Variants in EHMT1 observed in about 807,000 individuals in gnomAD.
The protein encoded by EHMT1 is euchromatic histone lysine methyltransferase 1.
In EHMT1, 15 loss-of-function variants were observed where a neutral mutation model predicts 147.2. The ratio of observed to expected loss-of-function variants is 0.10; its 90% confidence interval spans 0.07 to 0.16. EHMT1 has a LOEUF of 0.16. Among genes scored for constraint, EHMT1 ranks in the 10% least tolerant of loss-of-function variants. EHMT1 has a pLI of 1.00. For synonymous variants in EHMT1, 795 were observed against 709.6 expected (o/e 1.12, Z -1.91); for missense variants, 1,587 against 1,772.4 (o/e 0.90, Z 1.88).
chr9:137,656,414 T>C (rs1054685601), intron 1 of EHMT1, among the ~76,000 whole-genome samples: 2 of 152,170 alleles, frequency 1.3e-5, no homozygotes, highest in Non-Finnish European at 2.9e-5. Context: ...TGTATAGCTA[T>C]GAAGAGACAC....
intron 9 of EHMT1, among the ~76,000 whole-genome samples, chr9:137,758,654 A>C (rs1949564760): frequency 6.6e-6 from 1 of 152,154 alleles, no homozygotes; most frequent in Non-Finnish European, 1.5e-5. Flanking sequence ...GGAAATGCAA[A>C]TCTTATTTAC....
At chr9:137,703,428 C>T (rs557342736) in intron 1 of EHMT1, among the ~76,000 whole-genome samples, 1 of 152,340 alleles carries the variant, frequency 6.6e-6, no homozygotes, top group African/African-American at 2.4e-5. Flanking sequence ...CAGATACTCT[C>T]TTCGTGCACG....
chr9:137,757,605 C>T (rs1450574446), intron 8 of EHMT1, among the ~76,000 whole-genome samples: 2 of 152,200 alleles, frequency 1.3e-5, no homozygotes, highest in Non-Finnish European at 2.9e-5. Context: ...GAAAGATGTG[C>T]TGACATGTTG....
chr9:137,624,000 C>CTT (rs34882647), intron 1 of EHMT1, among the ~76,000 whole-genome samples: 10 of 131,528 alleles, frequency 7.6e-5, no homozygotes, highest in African/African-American at 1.4e-4. Context: ...TTCTTTCTTT[C>CTT]TTTTTTTTTT....
At chr9:137,678,993 G>A (rs1282533701) in intron 1 of EHMT1, among the ~76,000 whole-genome samples, 9 of 151,996 alleles carry the variant, frequency 5.9e-5, no homozygotes, top group African/African-American at 1.9e-4. Context: ...TGGCTCTGTC[G>A]CCCAGGCTGG....
chr9:137,808,100 G>A (rs966105005), intron 18 of EHMT1, among the ~76,000 whole-genome samples: 1 of 152,156 alleles, frequency 6.6e-6, no homozygotes, highest in African/African-American at 2.4e-5. Context: ...TGGAGCCACC[G>A]AGGCAGGTCC....
chr9:137,652,221 C>G (rs1367667739), intron 1 of EHMT1, among the ~76,000 whole-genome samples: 2 of 151,980 alleles, frequency 1.3e-5, no homozygotes, highest in South Asian at 2.1e-4. Flanking sequence ...GATCCTGACT[C>G]TGTGTGGGCC....
chr9:137,696,693 C>G (rs752276367), intron 1 of EHMT1, among the ~76,000 whole-genome samples: 4 of 152,100 alleles, frequency 2.6e-5, no homozygotes, highest in Non-Finnish European at 4.4e-5. Flanking sequence ...TTAAAGAGAC[C>G]GCACAAGGGT....
rs1009123925 is a variant in EHMT1 at position 137,779,301 on chromosome 9, C to T, written c.2193-334C>T. ...TGGGGCTGGTCCCGGCTGTGCTGAGCGTAGATGAGGTTCCCCTGCATCCTG... is the reference window on the plus strand; with the variant it reads ...TGGGGCTGGTCCCGGCTGTGCTGAGTGTAGATGAGGTTCCCCTGCATCCTG... On this transcript the variant is annotated intron_variant, in intron 13 of 26. Coordinates refer to ENST00000460843, the MANE Select transcript of EHMT1 (RefSeq NM_024757.5). Among the ~76,000 whole-genome samples the T allele has an allele frequency of 2.6e-5, 4 of 152,250 alleles. No homozygotes were observed. In the South Asian group the frequency reaches 8.3e-4, roughly 31 times the overall value.
At chr9:137,752,817 G>A (rs939936586) in intron 7 of EHMT1, among the ~76,000 whole-genome samples, 1 of 152,108 alleles carries the variant, frequency 6.6e-6, no homozygotes, top group African/African-American at 2.4e-5. Context: ...GGGTGTGGCG[G>A]GAGCCGGCAG....
intron 2 of EHMT1, among the ~76,000 whole-genome samples, chr9:137,715,160 G>A (rs1038718654): frequency 5.3e-5 from 8 of 152,172 alleles, no homozygotes; most frequent in South Asian, 2.1e-4. Context: ...AGATGCAGGT[G>A]GGAACAGTTT....
Position 137,727,666 on chromosome 9 carries a change from G to C in EHMT1, c.643-683G>C, listed in dbSNP as rs920085428. Among the ~76,000 whole-genome samples the C allele has an allele frequency of 1.5e-4, 23 of 152,294 alleles. 1 individual carries two copies. The highest frequency in any genetic ancestry group is 1.1e-3 in the Admixed American group (17 of 15,302). On this transcript the variant is annotated intron_variant, in intron 3 of 26. Transcript: ENST00000460843. Reference sequence around the variant, plus strand: ...TTAGATTTGAAGTTAAACTATCACAGGTCTGTAGGTGACGAGGGAAGCAGA... The same window carrying C: ...TTAGATTTGAAGTTAAACTATCACACGTCTGTAGGTGACGAGGGAAGCAGA...
chr9:137,814,794 G>C (rs1301792691), intron 22 of EHMT1: 8 of 577,678 alleles, frequency 1.4e-5, no homozygotes, highest in Non-Finnish European at 2.2e-5. Flanking sequence ...TTGGCCCCAG[G>C]AGGAGGTGCT....
At chr9:137,644,731 C>T (rs923455125) in intron 1 of EHMT1, among the ~76,000 whole-genome samples, 1 of 152,004 alleles carries the variant, frequency 6.6e-6, no homozygotes, top group Non-Finnish European at 1.5e-5. Flanking sequence ...TTTGCTGGCC[C>T]CTGATTGAGA....
intron 9 of EHMT1, among the ~76,000 whole-genome samples, chr9:137,759,630 C>T (rs563761364): frequency 1.6e-4 from 24 of 152,250 alleles, no homozygotes; most frequent in Non-Finnish European, 1.5e-4. Flanking sequence ...TTGTAAACTG[C>T]CTCCCAGAAT....
At chr9:137,756,530 A>G (rs1949390106) in intron 8 of EHMT1, among the ~76,000 whole-genome samples, 1 of 152,272 alleles carries the variant, frequency 6.6e-6, no homozygotes, top group Admixed American at 6.5e-5. Context: ...GTCACCATGG[A>G]GGCTCCTGGC....
chr9:137,818,051 C>G lies in EHMT1; in HGVS notation c.3462-9C>G. On this transcript the variant is annotated splice_polypyrimidine_tract_variant and intron_variant, in intron 24 of 26. Transcript: ENST00000460843. ...TTCCAGGGCCTCACCTGCACCGCAC[C>G]CTCTGCAGGTATGTTGGGGAGCTGA... is the stretch of plus-strand genomic sequence containing the variant. The G allele has an allele frequency of 6.2e-7, 1 of 1,613,950 alleles. No individual in the cohort carries two copies. The highest frequency in any genetic ancestry group is 8.5e-7 in the Non-Finnish European group (1 of 1,179,892).
At chr9:137,830,371 G>A (rs1043667647) in intron 25 of EHMT1, among the ~76,000 whole-genome samples, 1 of 152,214 alleles carries the variant, frequency 6.6e-6, no homozygotes, top group South Asian at 2.1e-4. Flanking sequence ...GGTGCCCACT[G>A]CTGTCAGGGT....
At chr9:137,653,261 C>A (rs938944290) in intron 1 of EHMT1, among the ~76,000 whole-genome samples, 1 of 152,102 alleles carries the variant, frequency 6.6e-6, no homozygotes. Flanking sequence ...CAAATACTTA[C>A]CATTATATTC....
Sources: gnomAD v4.1 joint callset for allele counts (sites outside exome capture counted in the v4.1 genomes callset) on GRCh38, gnomAD v4.1.1 for gene constraint, MANE v1.5 for transcripts, NCBI Gene and HGNC (gene_info 2026-07-23, HGNC 2026-07-21) for gene names.